The following THADA variants were observed in gnomAD, a reference collection of about 807,000 sequenced individuals.
THADA encodes tRNA (32-2'-O)-methyltransferase regulator THADA.
A neutral mutation model predicts 219.8 loss-of-function variants in THADA; 213 were observed. That is an observed-to-expected ratio of 0.97 (90% confidence interval 0.87 to 1.09). The LOEUF is 1.09. Among genes scored for constraint, THADA ranks in the 50% least tolerant of loss-of-function variants. The probability of loss-of-function intolerance (pLI) is 0.00; values close to 1 mark genes in which losing one functional copy is unlikely to be tolerated. For missense variants in THADA, 2,956 were observed against 2,311.3 expected, an observed-to-expected ratio of 1.28 and a Z score of -5.72; for synonymous variants, 1,018 against 828.9, an observed-to-expected ratio of 1.23 and a Z score of -3.92.
At chr2:43,484,220 A>C (rs916463288) in intron 26 of THADA, 1 of 162,200 alleles carries the variant, frequency 6.2e-6, no homozygotes, top group African/African-American at 2.4e-5. Flanking sequence ...AATTTAAATG[A>C]TAATTCGGAA....
At chr2:43,400,933 T>C (rs1249800551) in intron 28 of THADA, among the ~76,000 whole-genome samples, 6 of 152,194 alleles carry the variant, frequency 3.9e-5, no homozygotes, top group Non-Finnish European at 8.8e-5. Context: ...GGTCTTTTTT[T>C]GGCCACTATT....
At chr2:43,319,160 G>T (rs1678411094) in intron 31 of THADA, among the ~76,000 whole-genome samples, 1 of 152,204 alleles carries the variant, frequency 6.6e-6, no homozygotes, top group African/African-American at 2.4e-5. Flanking sequence ...TGGATTCATA[G>T]TCTCTTTTTA....
chr2:43,311,636 A>G (rs1677522922), intron 31 of THADA, among the ~76,000 whole-genome samples: 1 of 152,222 alleles, frequency 6.6e-6, no homozygotes, highest in African/African-American at 2.4e-5. Flanking sequence ...AAACTGATGA[A>G]TGGATAAACA....
intron 26 of THADA, among the ~76,000 whole-genome samples, chr2:43,457,740 T>C (rs1462088086): frequency 6.6e-6 from 1 of 152,220 alleles, no homozygotes; most frequent in Non-Finnish European, 1.5e-5. Flanking sequence ...TTTTTTCTTT[T>C]GTCCAATTCA....
chr2:43,231,485 C>G, intron 37 of THADA, 142 bp from the exon 38 acceptor site: 3 of 729,632 alleles, frequency 4.1e-6, no homozygotes, highest in Non-Finnish European at 6.2e-6. Context: ...CTGTCAACAT[C>G]CATGTACACA....
chr2:43,552,341 T>A lies in THADA; in HGVS notation c.2675-2A>T, dbSNP rs1178761915. On this transcript the variant is annotated splice_acceptor_variant, in intron 17 of 37. Coordinates refer to ENST00000405975, the MANE Select transcript of THADA (RefSeq NM_022065.5). LOFTEE classifies it high-confidence loss of function. ...GATTTTCCATCAAGCATTTGATAAC[T>A]AGAAAAAGCAAACAGAAAATCAAAG... The A allele has an allele frequency of 6.3e-6, 10 of 1,582,432 alleles. No individual in the cohort carries two copies. The highest frequency in any genetic ancestry group is 8.6e-6 in the Non-Finnish European group (10 of 1,168,674).
intron 26 of THADA, among the ~76,000 whole-genome samples, chr2:43,435,061 G>A (rs1679894348): frequency 6.6e-6 from 1 of 152,160 alleles, no homozygotes. Context: ...TTGTGAGGGG[G>A]ACTCACACAC....
At chr2:43,550,915 G>C (rs1488501004) in intron 19 of THADA, among the ~76,000 whole-genome samples, 1 of 152,112 alleles carries the variant, frequency 6.6e-6, no homozygotes, top group Non-Finnish European at 1.5e-5. Context: ...TGCTTGACAA[G>C]AGCAGCCTGC....
At chr2:43,395,348 A>C (rs1184679260) in intron 29 of THADA, among the ~76,000 whole-genome samples, 1 of 152,214 alleles carries the variant, frequency 6.6e-6, no homozygotes, top group Non-Finnish European at 1.5e-5. Flanking sequence ...AAGAGATGTA[A>C]ATTTTGAGGC....
intron 26 of THADA, among the ~76,000 whole-genome samples, chr2:43,456,660 T>A (rs1337708416): frequency 1.3e-5 from 2 of 152,150 alleles, no homozygotes; most frequent in African/African-American, 4.8e-5. Flanking sequence ...AGAAATGAGA[T>A]AATGCATCAA....
chr2:43,268,949 C>G (rs538243736), intron 36 of THADA, among the ~76,000 whole-genome samples: 1 of 152,228 alleles, frequency 6.6e-6, no homozygotes, highest in Non-Finnish European at 1.5e-5. Context: ...GGTGGGGGGG[C>G]CCATCTTGCC....
intron 29 of THADA, among the ~76,000 whole-genome samples, chr2:43,353,886 T>C (rs1009220592): frequency 6.6e-6 from 1 of 150,944 alleles, no homozygotes; most frequent in Non-Finnish European, 1.5e-5. Context: ...GGTGCGTTCT[T>C]GGCTCACTGC....
chr2:43,568,993 G>C (rs1698995876), intron 14 of THADA, among the ~76,000 whole-genome samples: 1 of 152,036 alleles, frequency 6.6e-6, no homozygotes, highest in Non-Finnish European at 1.5e-5. Flanking sequence ...TTTTGAAGCA[G>C]GGTCTCGCTG....
At chr2:43,379,595 G>C (rs909802451) in intron 29 of THADA, among the ~76,000 whole-genome samples, 1 of 152,208 alleles carries the variant, frequency 6.6e-6, no homozygotes, top group African/African-American at 2.4e-5. Flanking sequence ...ATTCACTGCT[G>C]GTGGGAATGC....
intron 28 of THADA, among the ~76,000 whole-genome samples, chr2:43,422,050 T>C (rs1677783529): frequency 6.6e-6 from 1 of 152,272 alleles, no homozygotes; most frequent in Non-Finnish European, 1.5e-5. Context: ...GATACCTTGA[T>C]GATATCCAGT....
intron 36 of THADA, among the ~76,000 whole-genome samples, chr2:43,243,263 G>A (rs1350415311): frequency 3.3e-5 from 5 of 152,150 alleles, no homozygotes; most frequent in African/African-American, 4.8e-5. Context: ...TCAGCCAGAG[G>A]GCACACTGCT....
At chr2:43,299,708 G>A (rs536972661) in intron 31 of THADA, among the ~76,000 whole-genome samples, 72 of 151,200 alleles carry the variant, frequency 4.8e-4, no homozygotes, top group African/African-American at 1.6e-3. Flanking sequence ...AAAATGTTTA[G>A]TGTCCTAAAA....
At chr2:43,561,356 T>C (rs1305362598) in intron 15 of THADA, among the ~76,000 whole-genome samples, 1 of 152,170 alleles carries the variant, frequency 6.6e-6, no homozygotes, top group African/African-American at 2.4e-5. Context: ...TAAGAACTAC[T>C]TATCTCCAGA....
chr2:43,492,959 C>T (rs984397700), intron 25 of THADA, among the ~76,000 whole-genome samples: 8 of 152,192 alleles, frequency 5.3e-5, no homozygotes, highest in East Asian at 1.9e-4. Context: ...TGCCAAGGCA[C>T]GCGGCACAGT....
Sources: allele counts gnomAD v4.1 joint callset (sites outside exome capture counted in the v4.1 genomes callset), GRCh38; gene constraint gnomAD v4.1.1; transcripts MANE v1.5; gene names NCBI Gene and HGNC (gene_info 2026-07-23, HGNC 2026-07-21).